GALNTL6: variants seen among roughly 807,000 people sequenced by gnomAD.
GALNTL6 encodes the protein polypeptide N-acetylgalactosaminyltransferase like 6, also known as polypeptide N-acetylgalactosaminyltransferase-like 6.
Under a neutral mutation model 73.7 loss-of-function variants are expected in GALNTL6, and 46 were observed. The observed-to-expected ratio is 0.62, with a 90% CI of 0.49 to 0.80. GALNTL6 has a LOEUF of 0.80. Ranked by LOEUF, GALNTL6 falls within the 30% of genes least tolerant of loss-of-function variation. GALNTL6 has a pLI of 0.00. For synonymous variants in GALNTL6, 259 were observed against 263.7 expected, an observed-to-expected ratio of 0.98 and a Z score of 0.17; for missense variants, 604 against 755.0, an observed-to-expected ratio of 0.80 and a Z score of 2.34.
intron 3 of GALNTL6, among the ~76,000 whole-genome samples, chr4:172,300,627 T>C (rs569237847): frequency 6.6e-5 from 10 of 152,320 alleles, no homozygotes; most frequent in African/African-American, 2.2e-4. Flanking sequence ...CCTTCACTTA[T>C]GAAGCTTAGT....
intron 4 of GALNTL6, among the ~76,000 whole-genome samples, chr4:172,339,172 AT>A (rs1741453327): frequency 6.6e-6 from 1 of 151,896 alleles, no homozygotes; most frequent in Non-Finnish European, 1.5e-5. Context: ...GTCTGGAGAT[AT>A]GCCTGGGCAT....
chr4:172,042,891 A>AAAAAG (rs1742124776), intron 2 of GALNTL6, among the ~76,000 whole-genome samples: 1 of 147,610 alleles, frequency 6.8e-6, no homozygotes, highest in Non-Finnish European at 1.5e-5. Flanking sequence ...AAAAAAAAAA[A>AAAAAG]GGTAATTATT....
intron 2 of GALNTL6, among the ~76,000 whole-genome samples, chr4:172,130,181 A>ATTTTTT (rs34151025): frequency 1.5e-5 from 2 of 130,246 alleles, no homozygotes; most frequent in Non-Finnish European, 3.2e-5. Context: ...TCATTACAGA[A>ATTTTTT]TTTTTTTTTT....
intron 7 of GALNTL6, among the ~76,000 whole-genome samples, chr4:172,878,296 G>A (rs934696672): frequency 2.0e-5 from 3 of 151,602 alleles, no homozygotes; most frequent in Non-Finnish European, 4.4e-5. Flanking sequence ...TTTCCTTAGG[G>A]CCACTTATTT....
At chr4:172,266,925 T>C (rs1427608284) in intron 3 of GALNTL6, among the ~76,000 whole-genome samples, 1 of 152,130 alleles carries the variant, frequency 6.6e-6, no homozygotes, top group African/African-American at 2.4e-5. Context: ...TTTGTTAACA[T>C]GCACATCCCT....
intron 2 of GALNTL6, among the ~76,000 whole-genome samples, chr4:172,122,685 T>C (rs988275661): frequency 5.9e-5 from 9 of 152,240 alleles, no homozygotes; most frequent in Admixed American, 4.6e-4. Flanking sequence ...TAGGGCTTAC[T>C]AAGTCCCTTC....
chr4:172,115,232 T>C (rs2110986604), intron 2 of GALNTL6, among the ~76,000 whole-genome samples: 1 of 152,214 alleles, frequency 6.6e-6, no homozygotes, highest in African/African-American at 2.4e-5. Flanking sequence ...CCCCATCAAT[T>C]ATAGTTCTCT....
chr4:172,671,042 G>C (rs1417818963), intron 5 of GALNTL6, among the ~76,000 whole-genome samples: 2 of 152,108 alleles, frequency 1.3e-5, no homozygotes, highest in African/African-American at 2.4e-5. Context: ...ATGTGGTTTT[G>C]GTTACTGCAA....
intron 7 of GALNTL6, among the ~76,000 whole-genome samples, chr4:172,881,193 C>T (rs115351897): frequency 6.6e-5 from 10 of 152,230 alleles, no homozygotes; most frequent in East Asian, 1.9e-4. Context: ...GAACTGCACT[C>T]GATAAATGTT....
intron 5 of GALNTL6, among the ~76,000 whole-genome samples, chr4:172,701,893 T>C (rs1734051845): frequency 6.6e-6 from 1 of 151,794 alleles, no homozygotes. Flanking sequence ...AAACAGTGTT[T>C]TAAGAATTAA....
At chr4:172,419,622 A>G (rs1283285704) in intron 5 of GALNTL6, among the ~76,000 whole-genome samples, 1 of 152,186 alleles carries the variant, frequency 6.6e-6, no homozygotes, top group Non-Finnish European at 1.5e-5. Context: ...TTATGAAGTT[A>G]ACAAAGAAGA....
intron 5 of GALNTL6, among the ~76,000 whole-genome samples, chr4:172,480,975 G>A (rs937924660): frequency 6.6e-6 from 1 of 152,154 alleles, no homozygotes; most frequent in Non-Finnish European, 1.5e-5. Flanking sequence ...CATATTTATT[G>A]GTCAAAGCAA....
intron 2 of GALNTL6, among the ~76,000 whole-genome samples, chr4:172,163,249 C>T (rs1433066697): frequency 1.3e-5 from 2 of 152,102 alleles, no homozygotes; most frequent in African/African-American, 2.4e-5. Context: ...TCCTCTCTAG[C>T]CTTACGTGCA....
intron 3 of GALNTL6, among the ~76,000 whole-genome samples, chr4:172,254,780 C>T (rs6843010): frequency 0.48 from 71,906 of 151,270 alleles, 17,071 homozygotes; most frequent in Middle Eastern, 0.56. Flanking sequence ...AAGTCTGGCA[C>T]CTGTTAAATT....
At chr4:172,122,378 G>A (rs1183473271) in intron 2 of GALNTL6, among the ~76,000 whole-genome samples, 1 of 152,130 alleles carries the variant, frequency 6.6e-6, no homozygotes, top group African/African-American at 2.4e-5. Flanking sequence ...ACAGCATGCA[G>A]CTATCAACTT....
intron 9 of GALNTL6, among the ~76,000 whole-genome samples, chr4:172,945,442 A>C (rs904503959): frequency 2.6e-5 from 4 of 152,222 alleles, no homozygotes; most frequent in Non-Finnish European, 5.9e-5. Context: ...CTTGTATATC[A>C]ACTATTCCTC....
chr4:172,277,711 T>G (rs1254080962), intron 3 of GALNTL6, among the ~76,000 whole-genome samples: 1 of 152,202 alleles, frequency 6.6e-6, no homozygotes, highest in East Asian at 1.9e-4. Flanking sequence ...GTCAGTGTGA[T>G]ATTTGGTTTG....
At position 171,814,637 on chromosome 4, in the gene GALNTL6, A is replaced by C; in HGVS notation, c.57A>C (p.Leu19Phe). The C allele has an allele frequency of 6.2e-7, 1 of 1,614,064 alleles. No homozygotes were observed. Reference protein sequence around the residue: ...LQMTLLFTVALIFLPNVGLWS... With the variant: ...LQMTLLFTVAFIFLPNVGLWS... ...TGACTTTGTTGTTCACGGTGGCTTT[A>C]ATTTTCCTGCCTAACGTTGGTCTCT... is the stretch of plus-strand genomic sequence containing the variant. The change falls in exon 2 of 13, where the codon TTA becomes TTC. Residue 19 changes from leucine (L) to phenylalanine (F), a missense_variant. Around this residue, in one of 5 missense-constraint regions of GALNTL6, gnomAD observed 141 missense variants for 156.6 expected, o/e 0.90. Transcript: ENST00000506823.
chr4:171,954,948 G>T (rs962315778), intron 2 of GALNTL6, among the ~76,000 whole-genome samples: 1 of 152,144 alleles, frequency 6.6e-6, no homozygotes, highest in Admixed American at 6.6e-5. Flanking sequence ...GGCCTCCCCA[G>T]CCCTGCTTCC....
Sources: gnomAD v4.1 joint callset for allele counts (sites outside exome capture counted in the v4.1 genomes callset) on GRCh38, gnomAD v4.1.1 for gene constraint, gnomAD v4.1.1 regional missense constraint, MANE v1.5 for transcripts, NCBI Gene and HGNC (gene_info 2026-07-23, HGNC 2026-07-21) for gene names.